The following UBE2E2 variants were observed in gnomAD, a reference collection of about 807,000 sequenced individuals.
UBE2E2 encodes the protein ubiquitin-conjugating enzyme E2 E2.
Under a neutral mutation model 24.7 loss-of-function variants are expected in UBE2E2, and 6 were observed. The ratio of observed to expected loss-of-function variants is 0.24; its 90% CI spans 0.13 to 0.48. The LOEUF (loss-of-function observed/expected upper bound fraction) is 0.48, where lower values mean the gene tolerates loss of function less well. UBE2E2 is among the 20% of genes least tolerant of loss of function. The probability of loss-of-function intolerance (pLI) is 0.99; values close to 1 mark genes in which losing one functional copy is unlikely to be tolerated. For synonymous variants in UBE2E2, 104 were observed against 83.6 expected (o/e 1.24, Z -1.33); for missense variants, 169 against 245.0 (o/e 0.69, Z 2.07).
intron 3 of UBE2E2, among the ~76,000 whole-genome samples, chr3:23,417,271 C>T (rs1200101908): frequency 6.6e-6 from 1 of 152,140 alleles, no homozygotes; most frequent in Non-Finnish European, 1.5e-5. Context: ...TGATGCTATT[C>T]CTTTCTGTTT....
chr3:23,243,207 A>G (rs892224895), intron 3 of UBE2E2, among the ~76,000 whole-genome samples: 22 of 152,310 alleles, frequency 1.4e-4, no homozygotes, highest in Admixed American at 3.9e-4. Context: ...ACGCCATCCT[A>G]GTTTGTTTTT....
At chr3:23,377,900 T>G (rs947797834) in intron 3 of UBE2E2, among the ~76,000 whole-genome samples, 1 of 152,202 alleles carries the variant, frequency 6.6e-6, no homozygotes, top group Non-Finnish European at 1.5e-5. Flanking sequence ...TATGTACATG[T>G]GTATTGCCAA....
intron 3 of UBE2E2, among the ~76,000 whole-genome samples, chr3:23,477,912 C>T (rs537765732): frequency 2.0e-5 from 3 of 152,240 alleles, no homozygotes; most frequent in South Asian, 2.1e-4. Context: ...GGCGCTTTTC[C>T]CCCTTTGCTC....
chr3:23,253,853 T>C (rs1378726195), intron 3 of UBE2E2, among the ~76,000 whole-genome samples: 1 of 152,172 alleles, frequency 6.6e-6, no homozygotes, highest in Admixed American at 6.5e-5. Context: ...AAAGTATAAA[T>C]ATGAAAAATC....
At chr3:23,355,460 G>A (rs1175787496) in intron 3 of UBE2E2, among the ~76,000 whole-genome samples, 1 of 152,150 alleles carries the variant, frequency 6.6e-6, no homozygotes, top group East Asian at 1.9e-4. Context: ...ACTGTAGGGA[G>A]GGGTAGAAAT....
chr3:23,575,137 A>T (rs192360136), intron 5 of UBE2E2, among the ~76,000 whole-genome samples: 44 of 152,294 alleles, frequency 2.9e-4, no homozygotes, highest in East Asian at 3.9e-4. Context: ...GTGTGAATAC[A>T]TGTGTAGACA....
At chr3:23,528,803 G>A (rs1032073899) in intron 4 of UBE2E2, among the ~76,000 whole-genome samples, 1 of 152,120 alleles carries the variant, frequency 6.6e-6, no homozygotes, top group Non-Finnish European at 1.5e-5. Flanking sequence ...TTCTGCCTAG[G>A]TATTTCCCCT....
Position 23,311,022 on chromosome 3 carries a change from G to A in UBE2E2, c.227+93710G>A, listed in dbSNP as rs554074485. 7.3e-4 allele frequency among the ~76,000 whole-genome samples: 111 copies of A among 152,102 alleles called. 1 individual carries two copies. The highest frequency in any genetic ancestry group is 2.6e-3 in the African/African-American group (108 of 41,492). ...TCCCTCCCTCCTGCCGCCACCCCACGATGGGCCCTGGTGTGTGATGTTCCC... is the reference window on the plus strand; with the variant it reads ...TCCCTCCCTCCTGCCGCCACCCCACAATGGGCCCTGGTGTGTGATGTTCCC... On this transcript the variant is annotated intron_variant, in intron 3 of 5. Coordinates refer to ENST00000396703, the MANE Select transcript of UBE2E2 (RefSeq NM_152653.4).
chr3:23,388,091 A>G (rs1264215900), intron 3 of UBE2E2, among the ~76,000 whole-genome samples: 1 of 152,218 alleles, frequency 6.6e-6, no homozygotes, highest in Non-Finnish European at 1.5e-5. Context: ...GATAATTCTC[A>G]GCTACCTAAG....
intron 3 of UBE2E2, among the ~76,000 whole-genome samples, chr3:23,437,769 T>C (rs1363614335): frequency 1.3e-5 from 2 of 152,238 alleles, no homozygotes; most frequent in Non-Finnish European, 2.9e-5. Flanking sequence ...GTGATACTTG[T>C]ATCGTAGATT....
At chr3:23,390,555 C>T (rs967434256) in intron 3 of UBE2E2, among the ~76,000 whole-genome samples, 1 of 152,206 alleles carries the variant, frequency 6.6e-6, no homozygotes, top group Non-Finnish European at 1.5e-5. Flanking sequence ...GAACACGAAC[C>T]CAGGTACCAA....
intron 3 of UBE2E2, among the ~76,000 whole-genome samples, chr3:23,401,091 G>A (rs1014365421): frequency 7.2e-5 from 11 of 152,198 alleles, no homozygotes; most frequent in Admixed American, 4.6e-4. Context: ...TAAGCTATGG[G>A]CTTGAGTGTC....
chr3:23,514,882 G>A (rs73043677), intron 4 of UBE2E2, among the ~76,000 whole-genome samples: 19,155 of 152,144 alleles, frequency 0.13, 1,289 homozygotes, highest in Middle Eastern at 0.19. Context: ...TTAAGCAATA[G>A]ATAAGGAGTA....
chr3:23,318,388 A>G (rs1694642920), intron 3 of UBE2E2, among the ~76,000 whole-genome samples: 1 of 152,210 alleles, frequency 6.6e-6, no homozygotes, highest in Admixed American at 6.5e-5. Flanking sequence ...CTATTTAATC[A>G]ATATATATTT....
chr3:23,442,556 A>G (rs981101499), intron 3 of UBE2E2, among the ~76,000 whole-genome samples: 1 of 152,212 alleles, frequency 6.6e-6, no homozygotes, highest in Non-Finnish European at 1.5e-5. Context: ...TAAGTATACT[A>G]AATTAAAATG....
rs566326722 is a variant in UBE2E2 at position 23,381,770 on chromosome 3, A to G, written c.228-117838A>G. Reference sequence around the variant, plus strand: ...TAATTGTGAGTCTCAAATTTTATCTATGTTGACTTAGATGAAAATAAAGGA... The same window carrying G: ...TAATTGTGAGTCTCAAATTTTATCTGTGTTGACTTAGATGAAAATAAAGGA... On this transcript the variant is annotated intron_variant, in intron 3 of 5. Coordinates refer to ENST00000396703, the MANE Select transcript of UBE2E2 (RefSeq NM_152653.4). Among the ~76,000 whole-genome samples, 9 of 152,336 alleles carry G rather than the reference A, an allele frequency of 5.9e-5. 1 individual carries two copies. The highest frequency in any genetic ancestry group is 6.8e-3 in the Middle Eastern group (2 of 294).
At chr3:23,302,388 T>C (rs1160418971) in intron 3 of UBE2E2, among the ~76,000 whole-genome samples, 2 of 152,232 alleles carry the variant, frequency 1.3e-5, no homozygotes, top group African/African-American at 2.4e-5. Context: ...CTTTTGACTT[T>C]ATTTATTGCA....
At chr3:23,345,722 A>G (rs1695537745) in intron 3 of UBE2E2, among the ~76,000 whole-genome samples, 1 of 152,214 alleles carries the variant, frequency 6.6e-6, no homozygotes, top group Non-Finnish European at 1.5e-5. Flanking sequence ...TGATTTTTTT[A>G]ATGTCATGTT....
intron 5 of UBE2E2, among the ~76,000 whole-genome samples, chr3:23,549,209 G>A (rs1695586981): frequency 6.6e-6 from 1 of 152,168 alleles, no homozygotes; most frequent in Non-Finnish European, 1.5e-5. Context: ...CTTTGTAATG[G>A]ATGGCAAGGT....
Sources: allele counts gnomAD v4.1 joint callset (sites outside exome capture counted in the v4.1 genomes callset), GRCh38; gene constraint gnomAD v4.1.1; transcripts MANE v1.5; gene names NCBI Gene and HGNC (gene_info 2026-07-23, HGNC 2026-07-21).